Variants in FARP1 observed in about 807,000 individuals in gnomAD.
FARP1 encodes FERM, ARHGEF and pleckstrin domain-containing protein 1.
A neutral mutation model predicts 128.8 loss-of-function variants in FARP1; 52 were observed. The observed-to-expected ratio is 0.40, with a 90% CI of 0.32 to 0.51. The LOEUF is 0.51. Among genes scored for constraint, FARP1 ranks in the 20% least tolerant of loss-of-function variants. The pLI is 0.45. For synonymous variants in FARP1, 580 were observed against 551.8 expected, an observed-to-expected ratio of 1.05 and a Z score of -0.72; for missense variants, 1,333 against 1,367.9, an observed-to-expected ratio of 0.97 and a Z score of 0.40.
chr13:98,191,058 A>C (rs1481607493), intron 1 of FARP1, among the ~76,000 whole-genome samples: 1 of 152,122 alleles, frequency 6.6e-6, no homozygotes, highest in South Asian at 2.1e-4. Flanking sequence ...CTGACACGCA[A>C]CGTGGCCAGG....
At chr13:98,390,696 C>A (rs1461709231) in intron 10 of FARP1, 116 bp from the exon 11 acceptor site, 15 of 786,480 alleles carry the variant, frequency 1.9e-5, no homozygotes, top group East Asian at 1.2e-4. Context: ...GCCAAGCAAC[C>A]CTGCATCTCT....
chr13:98,306,048 T>G (rs1273631630), intron 2 of FARP1, among the ~76,000 whole-genome samples: 1 of 152,128 alleles, frequency 6.6e-6, no homozygotes, highest in African/African-American at 2.4e-5. Flanking sequence ...ATGAAAGAAG[T>G]GATGGGGTTG....
At chr13:98,431,460 G>GC in intron 18 of FARP1, 180 bp downstream of exon 18, 1 of 410,634 alleles carries the variant, frequency 2.4e-6, no homozygotes, top group Non-Finnish European at 4.2e-6. Flanking sequence ...GTTACATCTT[G>GC]ATTTTTTTTT....
chr13:98,245,020 A>G (rs547892668), intron 2 of FARP1: 1 of 1,093,684 alleles, frequency 9.1e-7, no homozygotes, highest in South Asian at 3.5e-5. Context: ...TCCAGCCATA[A>G]ATTAGACCAA....
intron 1 of FARP1, among the ~76,000 whole-genome samples, chr13:98,169,288 CCTT>C (rs575679664): frequency 5.2e-4 from 79 of 152,262 alleles, no homozygotes; most frequent in Non-Finnish European, 9.3e-4. Context: ...TTTCCTTTAC[CCTT>C]CTTCTTTCTT....
chr13:98,346,084 T>C (rs1178616659), intron 3 of FARP1, among the ~76,000 whole-genome samples: 1 of 152,130 alleles, frequency 6.6e-6, no homozygotes, highest in Non-Finnish European at 1.5e-5. Flanking sequence ...CTCGGATCTG[T>C]AGAAGTGCCT....
chr13:98,157,201 C>T (rs1421701304), intron 1 of FARP1, among the ~76,000 whole-genome samples: 1 of 152,152 alleles, frequency 6.6e-6, no homozygotes, highest in Admixed American at 6.5e-5. Flanking sequence ...TTAAAGTGAT[C>T]ATTGTGTGAG....
At chr13:98,238,106 G>C (rs1882536372) in intron 2 of FARP1, among the ~76,000 whole-genome samples, 1 of 152,162 alleles carries the variant, frequency 6.6e-6, no homozygotes, top group African/African-American at 2.4e-5. Context: ...AAAAAGGTTT[G>C]ACTTAAAAAA....
At chr13:98,394,086 G>C (rs1186554927) in intron 12 of FARP1, among the ~76,000 whole-genome samples, 1 of 152,196 alleles carries the variant, frequency 6.6e-6, no homozygotes, top group Non-Finnish European at 1.5e-5. Flanking sequence ...TAACCAATGG[G>C]TGTAACTCCT....
intron 2 of FARP1, among the ~76,000 whole-genome samples, chr13:98,285,729 G>A (rs547343223): frequency 9.2e-5 from 14 of 152,332 alleles, no homozygotes; most frequent in South Asian, 2.1e-4. Flanking sequence ...AACTGCTTCC[G>A]CTGTTATTAG....
chr13:98,379,324 G>T (rs768965144), intron 6 of FARP1, among the ~76,000 whole-genome samples: 3 of 147,584 alleles, frequency 2.0e-5, no homozygotes, highest in Non-Finnish European at 4.4e-5. Context: ...ATTTTACAGG[G>T]GAGGAATCCT....
chr13:98,384,748 A>G lies in FARP1; in HGVS notation c.515A>G (p.Asp172Gly), dbSNP rs1890032282. 6.2e-7 allele frequency: 1 copy of G among 1,611,456 alleles called. No homozygotes were observed. Among genetic ancestry groups the G allele is most frequent in the African/African-American group, 1.3e-5 (1 of 74,846 alleles). ...HIVQSEIGDF[D>G]EALDREHLAK... ...TTTTTAGCTGAGATTGGGGATTTTG[A>G]TGAAGCCTTGGACAGAGAGCACTTA... The change falls in exon 7 of 27, where the codon GAT becomes GGT. Residue 172 changes from aspartate to glycine, a missense_variant. Asp to Gly is a moderately conservative substitution (Grantham distance 94, BLOSUM62 -1). Transcript: ENST00000319562.
intron 11 of FARP1, among the ~76,000 whole-genome samples, chr13:98,392,567 C>T (rs1224557370): frequency 6.6e-6 from 1 of 151,734 alleles, no homozygotes; most frequent in South Asian, 2.1e-4. Flanking sequence ...TAAGTACTCC[C>T]ATATATAATT....
At chr13:98,217,335 C>G (rs778084659) in intron 2 of FARP1, among the ~76,000 whole-genome samples, 22 of 152,168 alleles carry the variant, frequency 1.4e-4, no homozygotes, top group Non-Finnish European at 2.6e-4. Flanking sequence ...TAGTGCCTGT[C>G]GAAGGGTTAG....
intron 2 of FARP1, among the ~76,000 whole-genome samples, chr13:98,322,591 T>G (rs1263809799): frequency 2.0e-5 from 3 of 152,104 alleles, no homozygotes; most frequent in African/African-American, 7.2e-5. Flanking sequence ...CAGTTCTGAC[T>G]GCCATGCGAC....
chr13:98,330,090 A>G (rs1051898080), intron 2 of FARP1: 2 of 152,390 alleles, frequency 1.3e-5, no homozygotes, highest in Non-Finnish European at 2.9e-5. Context: ...ATTAGCCACA[A>G]AGATTTCTGG....
At chr13:98,273,192 G>A (rs1884467544) in intron 2 of FARP1, among the ~76,000 whole-genome samples, 1 of 152,176 alleles carries the variant, frequency 6.6e-6, no homozygotes, top group African/African-American at 2.4e-5. Context: ...TCTTCAATGT[G>A]TCATTGGTTA....
chr13:98,221,861 C>G (rs1881432484), intron 2 of FARP1, among the ~76,000 whole-genome samples: 1 of 152,172 alleles, frequency 6.6e-6, no homozygotes, highest in Non-Finnish European at 1.5e-5. Flanking sequence ...AGGAAGTGCT[C>G]AGTCAGCTGG....
chr13:98,304,112 C>T (rs576760695), intron 2 of FARP1, among the ~76,000 whole-genome samples: 111 of 152,172 alleles, frequency 7.3e-4, no homozygotes, highest in African/African-American at 2.4e-3. Flanking sequence ...AAAAACAAAC[C>T]GTGAGCTCCC....
Sources: gnomAD v4.1 joint callset for allele counts (sites outside exome capture counted in the v4.1 genomes callset) on GRCh38, gnomAD v4.1.1 for gene constraint, MANE v1.5 for transcripts, NCBI Gene and HGNC (gene_info 2026-07-23, HGNC 2026-07-21) for gene names.